HS6ST3: variants seen among roughly 807,000 people sequenced by gnomAD.
HS6ST3 encodes heparan-sulfate 6-O-sulfotransferase 3.
In HS6ST3, 12 loss-of-function variants were observed where a neutral mutation model predicts 36.7. The observed-to-expected ratio is 0.33, with a 90% CI of 0.21 to 0.53. The LOEUF (loss-of-function observed/expected upper bound fraction) is 0.53. HS6ST3 is among the 20% of genes least tolerant of loss of function. The pLI, the probability that HS6ST3 is intolerant of heterozygous loss-of-function variation, is 0.95. For synonymous variants in HS6ST3, 240 were observed against 257.5 expected, an observed-to-expected ratio of 0.93 and a Z score of 0.65; for missense variants, 584 against 640.9, an observed-to-expected ratio of 0.91 and a Z score of 0.96.
chr13:96,335,307 CTTT>C (rs781349760), intron 1 of HS6ST3, among the ~76,000 whole-genome samples: 52 of 152,294 alleles, frequency 3.4e-4, no homozygotes, highest in Non-Finnish European at 6.6e-4. Flanking sequence ...CCCAGACCTG[CTTT>C]TGACCAAGGT....
intron 1 of HS6ST3, among the ~76,000 whole-genome samples, chr13:96,319,136 C>T (rs1160846215): frequency 2.6e-5 from 4 of 152,176 alleles, no homozygotes; most frequent in African/African-American, 9.6e-5. Flanking sequence ...ATCCCTTAGT[C>T]CCTGGCAATC....
intron 1 of HS6ST3, among the ~76,000 whole-genome samples, chr13:96,196,386 C>T (rs2054312811): frequency 6.6e-6 from 1 of 152,104 alleles, no homozygotes; most frequent in Non-Finnish European, 1.5e-5. Flanking sequence ...AGTGTCTCCC[C>T]CGAGAATGTC....
chr13:96,604,107 C>G (rs1458626837), intron 1 of HS6ST3, among the ~76,000 whole-genome samples: 3 of 152,126 alleles, frequency 2.0e-5, no homozygotes, highest in Admixed American at 2.0e-4. Context: ...AATATAGGAG[C>G]AGTTCTGGCT....
At chr13:96,768,496 G>A (rs966537487) in intron 1 of HS6ST3, among the ~76,000 whole-genome samples, 1 of 152,040 alleles carries the variant, frequency 6.6e-6, no homozygotes, top group Non-Finnish European at 1.5e-5. Flanking sequence ...TTTCTCCTCA[G>A]ACACAGTTGT....
chr13:96,638,784 C>G (rs1488293370), intron 1 of HS6ST3, among the ~76,000 whole-genome samples: 2 of 151,746 alleles, frequency 1.3e-5, no homozygotes, highest in African/African-American at 4.8e-5. Context: ...TGGGTATGTC[C>G]TTATAGCAGG....
At chr13:96,104,319 T>A (rs1183983801) in intron 1 of HS6ST3, among the ~76,000 whole-genome samples, 2 of 152,206 alleles carry the variant, frequency 1.3e-5, no homozygotes, top group African/African-American at 4.8e-5. Flanking sequence ...ATGTGAAGCC[T>A]AGTACTGATC....
intron 1 of HS6ST3, among the ~76,000 whole-genome samples, chr13:96,709,553 T>C (rs1406274664): frequency 6.6e-6 from 1 of 152,126 alleles, no homozygotes; most frequent in African/African-American, 2.4e-5. Flanking sequence ...GGAGTCTTCA[T>C]GAATGGGATA....
At chr13:96,796,409 T>C (rs897467656) in intron 1 of HS6ST3, among the ~76,000 whole-genome samples, 1 of 152,084 alleles carries the variant, frequency 6.6e-6, no homozygotes, top group Non-Finnish European at 1.5e-5. Flanking sequence ...TCACTGAACA[T>C]GTAGACTTCT....
chr13:96,515,998 A>G (rs2056070793), intron 1 of HS6ST3, among the ~76,000 whole-genome samples: 1 of 151,520 alleles, frequency 6.6e-6, no homozygotes, highest in Non-Finnish European at 1.5e-5. Flanking sequence ...CTTTTGTTGC[A>G]TTGTTATTCT....
rs192357586 is a variant in HS6ST3, at chr13:96,445,820, A to G, written c.707+354251A>G. On this transcript the variant is annotated intron_variant, in intron 1 of 1. Transcript: ENST00000376705. ...GAGGCGGAGGTTGCAGTGAGCCAAG[A>G]TCATACCACTGCACTCCAGCCTGAG... 3.0e-3 allele frequency among the ~76,000 whole-genome samples: 464 copies of G among 152,140 alleles called. 2 individuals are homozygous for G. The highest frequency in any genetic ancestry group is 0.01 in the African/African-American group (430 of 41,480).
chr13:96,765,143 G>A (rs1270541159), intron 1 of HS6ST3, among the ~76,000 whole-genome samples: 1 of 144,786 alleles, frequency 6.9e-6, no homozygotes, highest in Non-Finnish European at 1.5e-5. Context: ...GCGCAATCTC[G>A]GCTCACTGCA....
At chr13:96,179,761 T>C (rs980264300) in intron 1 of HS6ST3, among the ~76,000 whole-genome samples, 1 of 151,904 alleles carries the variant, frequency 6.6e-6, no homozygotes, top group African/African-American at 2.4e-5. Context: ...ATAGCAATCA[T>C]TTATTATGTA....
At chr13:96,611,325 G>A (rs1239053501) in intron 1 of HS6ST3, among the ~76,000 whole-genome samples, 2 of 151,860 alleles carry the variant, frequency 1.3e-5, no homozygotes, top group South Asian at 2.1e-4. Flanking sequence ...AAATAAATAT[G>A]ATTATAAAAT....
At chr13:96,745,254 A>G (rs921766485) in intron 1 of HS6ST3, among the ~76,000 whole-genome samples, 9 of 152,130 alleles carry the variant, frequency 5.9e-5, no homozygotes, top group Non-Finnish European at 1.2e-4. Context: ...ATCAAACATT[A>G]TAGCCTCAAT....
At chr13:96,256,451 G>A (rs1437983705) in intron 1 of HS6ST3, among the ~76,000 whole-genome samples, 2 of 152,106 alleles carry the variant, frequency 1.3e-5, no homozygotes, top group Admixed American at 1.3e-4. Flanking sequence ...TATCTACAGG[G>A]TTGTTGTGAA....
At chr13:96,500,729 T>G (rs2056000127) in intron 1 of HS6ST3, among the ~76,000 whole-genome samples, 1 of 152,230 alleles carries the variant, frequency 6.6e-6, no homozygotes, top group South Asian at 2.1e-4. Context: ...AACCCACATT[T>G]AATAAATTAT....
At chr13:96,113,161 T>A (rs1037107603) in intron 1 of HS6ST3, among the ~76,000 whole-genome samples, 1 of 152,164 alleles carries the variant, frequency 6.6e-6, no homozygotes, top group African/African-American at 2.4e-5. Flanking sequence ...CATCCAAGGA[T>A]GAGTCACACA....
intron 1 of HS6ST3, among the ~76,000 whole-genome samples, chr13:96,131,754 T>TA (rs2053976684): frequency 6.6e-6 from 1 of 151,666 alleles, no homozygotes; most frequent in African/African-American, 2.4e-5. Flanking sequence ...TCTTTTTTTT[T>TA]TTTAATCACA....
intron 1 of HS6ST3, among the ~76,000 whole-genome samples, chr13:96,772,569 G>A (rs1342456447): frequency 6.6e-6 from 1 of 152,120 alleles, no homozygotes. Context: ...TAAGGGCAAC[G>A]GTATGAGGAA....
Sources: gnomAD v4.1 joint callset for allele counts (sites outside exome capture counted in the v4.1 genomes callset) on GRCh38, gnomAD v4.1.1 for gene constraint, MANE v1.5 for transcripts, NCBI Gene and HGNC (gene_info 2026-07-23, HGNC 2026-07-21) for gene names.